TTC13: variants seen among roughly 807,000 people sequenced by gnomAD.
TTC13 encodes the protein tetratricopeptide repeat protein 13.
Under a neutral mutation model 120.0 loss-of-function variants are expected in TTC13, and 62 were observed. The observed-to-expected ratio is 0.52, with a 90% CI of 0.42 to 0.64. The LOEUF (loss-of-function observed/expected upper bound fraction) is 0.64. TTC13 is among the 30% of genes least tolerant of loss of function. The probability of loss-of-function intolerance (pLI) is 0.00; values close to 1 mark genes in which losing one functional copy is unlikely to be tolerated. For synonymous variants in TTC13, 384 were observed against 393.5 expected (o/e 0.98, Z 0.28); for missense variants, 824 against 1,050.2 (o/e 0.78, Z 2.98).
At chr1:230,948,400 CAA>C (rs57051929) in intron 4 of TTC13, among the ~76,000 whole-genome samples, 12 of 96,580 alleles carry the variant, frequency 1.2e-4, no homozygotes, top group Admixed American at 3.7e-4. Flanking sequence ...ACTCACAATA[CAA>C]AAAAAAAAAA....
chr1:230,967,403 AT>A (rs66487730), intron 1 of TTC13, among the ~76,000 whole-genome samples: 29,396 of 149,440 alleles, frequency 0.2, 3,038 homozygotes, highest in East Asian at 0.4. Context: ...TTCCTATTCT[AT>A]TTTTTTTTTT....
chr1:230,954,407 T>C lies in TTC13; in HGVS notation c.443-4A>G. ...CCAATCAAGACATAAGCAATAGCTATGAAACAAAATACAAAAATATTAAAG... is the reference window on the plus strand; with the variant it reads ...CCAATCAAGACATAAGCAATAGCTACGAAACAAAATACAAAAATATTAAAG... On this transcript the variant is annotated splice_polypyrimidine_tract_variant and splice_region_variant and intron_variant, in intron 3 of 22. Coordinates refer to ENST00000366661, the MANE Select transcript of TTC13 (RefSeq NM_024525.5). 2 of 1,604,372 alleles carry C rather than the reference T, an allele frequency of 1.2e-6. No individual in the cohort carries two copies. Among genetic ancestry groups the C allele is most frequent in the Non-Finnish European group, 1.7e-6 (2 of 1,173,590 alleles).
intron 15 of TTC13, among the ~76,000 whole-genome samples, chr1:230,923,148 C>T (rs549877782): frequency 2.0e-5 from 3 of 152,282 alleles, no homozygotes; most frequent in Admixed American, 6.5e-5. Flanking sequence ...CATATCTATA[C>T]ATTTTATCTA....
At chr1:230,936,977 C>G (rs944406180) in intron 8 of TTC13, among the ~76,000 whole-genome samples, 1 of 133,990 alleles carries the variant, frequency 7.5e-6, no homozygotes, top group Non-Finnish European at 1.5e-5. Flanking sequence ...CCTCCTCAGA[C>G]AGTGGATCTA....
At chr1:230,961,172 A>C in intron 2 of TTC13, 37 bp downstream of exon 2, 1 of 1,548,212 alleles carries the variant, frequency 6.5e-7, no homozygotes, top group South Asian at 1.1e-5. Context: ...ACTGGGCTTC[A>C]GGTTACAAAA....
chr1:230,912,808 G>A, intron 18 of TTC13, 50 bp from the exon 19 acceptor site: 1 of 1,551,766 alleles, frequency 6.4e-7, no homozygotes, highest in East Asian at 2.3e-5. Context: ...AGTTCAAACA[G>A]CCAAACACAG....
chr1:230,955,080 C>A (rs1361035124), intron 3 of TTC13, among the ~76,000 whole-genome samples: 1 of 152,158 alleles, frequency 6.6e-6, no homozygotes, highest in Non-Finnish European at 1.5e-5. Flanking sequence ...GAAAACACAG[C>A]AATATTCTGA....
chr1:230,972,237 T>C (rs1677838085), intron 1 of TTC13, among the ~76,000 whole-genome samples: 1 of 152,332 alleles, frequency 6.6e-6, no homozygotes, highest in Admixed American at 6.5e-5. Context: ...AGGGTTAGCA[T>C]GGAATGAGAC....
At chr1:230,935,612 C>A (rs1233154731) in intron 8 of TTC13, among the ~76,000 whole-genome samples, 1 of 151,898 alleles carries the variant, frequency 6.6e-6, no homozygotes, top group Non-Finnish European at 1.5e-5. Flanking sequence ...AGATGGGAGA[C>A]CAGGCTAACG....
At chr1:230,931,171 G>C in intron 11 of TTC13, 127 bp downstream of exon 11, 1 of 841,530 alleles carries the variant, frequency 1.2e-6, no homozygotes, top group Non-Finnish European at 1.8e-6. Flanking sequence ...ACAAGGTGTG[G>C]CTGTGGATGA....
chr1:230,911,664 C>G (rs1362434435), intron 19 of TTC13, 115 bp from the exon 20 acceptor site: 1 of 579,952 alleles, frequency 1.7e-6, no homozygotes, highest in Non-Finnish European at 2.8e-6. Context: ...TTTTCTTCCT[C>G]CCCCATAAGA....
At chr1:230,967,577 T>C (rs1172794382) in intron 1 of TTC13, among the ~76,000 whole-genome samples, 1 of 152,200 alleles carries the variant, frequency 6.6e-6, no homozygotes, top group African/African-American at 2.4e-5. Flanking sequence ...CTGATTGAGG[T>C]AGATCATTCT....
rs564731040 is a variant in TTC13 at position 230,906,574 on chromosome 1, G to T, written c.*331C>A. The T allele has an allele frequency of 1.2e-3, 199 of 160,392 alleles. No homozygotes were observed. The highest frequency in any genetic ancestry group is 1.9e-3 in the Non-Finnish European group (141 of 73,316). The allele number at this position is 160,392 out of a possible 1,614,324, so 9.9% of individuals were successfully genotyped here. A position where few individuals can be genotyped will look rare whatever the true frequency, so the allele number is the denominator to read the frequency against. The stretch of plus-strand genomic sequence containing the variant: ...AACACTCCTATTTGGTTTTGTTTTT[G>T]TTCATCTTCAGTATTATATTTTAGT... On this transcript the variant is annotated 3_prime_UTR_variant, in exon 23 of 23. Coordinates refer to ENST00000366661, the MANE Select transcript of TTC13 (RefSeq NM_024525.5).
At chr1:230,921,623 A>G (rs1672585652) in intron 15 of TTC13, 119 bp from the exon 16 acceptor site, 1 of 585,960 alleles carries the variant, frequency 1.7e-6, no homozygotes, top group Non-Finnish European at 2.8e-6. Context: ...GTAGAAAAAA[A>G]AAGTCTGGGA....
At chr1:230,955,990 C>T (rs953908968) in intron 3 of TTC13, among the ~76,000 whole-genome samples, 4 of 152,162 alleles carry the variant, frequency 2.6e-5, no homozygotes, top group African/African-American at 9.7e-5. Flanking sequence ...AAAACAGCAG[C>T]AAGAATCACA....
At chr1:230,912,830 T>TA (rs200208921) in intron 18 of TTC13, 72 bp from the exon 19 acceptor site, 78 of 1,432,162 alleles carry the variant, frequency 5.4e-5, no homozygotes, top group Admixed American at 1.9e-4. Flanking sequence ...AAGTTTTTTT[T>TA]AAAAAGCAAA....
intron 19 of TTC13, among the ~76,000 whole-genome samples, chr1:230,911,807 T>C (rs751518914): frequency 6.6e-6 from 1 of 152,204 alleles, no homozygotes; most frequent in Non-Finnish European, 1.5e-5. Flanking sequence ...AATCTCAGTC[T>C]CCTTTAACGT....
At chr1:230,946,928 A>G (rs958156906) in intron 4 of TTC13, among the ~76,000 whole-genome samples, 1 of 152,148 alleles carries the variant, frequency 6.6e-6, no homozygotes, top group Non-Finnish European at 1.5e-5. Context: ...TATTTCATAA[A>G]TCATACTTAT....
rs1674636355 is a variant in TTC13, at chr1:230,942,832, C to T, written c.672+974G>A. On this transcript the variant is annotated intron_variant, in intron 6 of 22. Coordinates refer to ENST00000366661, the MANE Select transcript of TTC13 (RefSeq NM_024525.5). The surrounding 1 kb of genome is among the most constrained non-coding windows in gnomAD (Gnocchi z 4.0). ...ACTGGATCAGCTCTAGCCTCGCTTC[C>T]TCCGACAGCCTCAGCAAACACTCCC... Among the ~76,000 whole-genome samples, 1 of 152,178 alleles carries T rather than the reference C, an allele frequency of 6.6e-6. No individual in the cohort carries two copies. The highest frequency in any genetic ancestry group is 1.5e-5 in the Non-Finnish European group (1 of 68,020).
Sources: allele counts gnomAD v4.1 joint callset (sites outside exome capture counted in the v4.1 genomes callset), GRCh38; gene constraint gnomAD v4.1.1; non-coding constraint Gnocchi (gnomAD v3.1); transcripts MANE v1.5; gene names NCBI Gene and HGNC (gene_info 2026-07-23, HGNC 2026-07-21).